The following ZNF732 variants were observed in gnomAD, a reference collection of about 807,000 sequenced individuals.
ZNF732 encodes the protein zinc finger protein 732, also known as zinc finger protein LOC654254.
ZNF732 carries 12 observed loss-of-function variants against 11.5 expected under a neutral mutation model. The observed-to-expected ratio is 1.05, with a 90% CI of 0.67 to 1.70. ZNF732 has a LOEUF of 1.70. Ranked by LOEUF, ZNF732 falls within the 40% of genes most tolerant of loss-of-function variation. ZNF732 has a pLI of 0.00. For missense variants in ZNF732, 702 were observed against 676.9 expected, an observed-to-expected ratio of 1.04 and a Z score of -0.41; for synonymous variants, 231 against 236.5, an observed-to-expected ratio of 0.98 and a Z score of 0.21.
At chr4:272,728 T>A in intron 3 of ZNF732, 98 bp from the exon 4 acceptor site, 1 of 1,174,562 alleles carries the variant, frequency 8.5e-7, no homozygotes, top group Non-Finnish European at 1.1e-6. Context: ...ATTAGTAAGA[T>A]GGCATAACAA....
chr4:290,636 T>C (rs1719826603), intron 3 of ZNF732, among the ~76,000 whole-genome samples: 1 of 152,146 alleles, frequency 6.6e-6, no homozygotes, highest in African/African-American at 2.4e-5. Context: ...GCCAAACCCA[T>C]TCATACACCT....
intron 3 of ZNF732, among the ~76,000 whole-genome samples, chr4:293,282 GTATA>G (rs139781518): frequency 7.1e-6 from 1 of 140,260 alleles, no homozygotes. Flanking sequence ...ATATGTATGT[GTATA>G]TATATATATA....
chr4:285,310 A>G (rs1159869417), intron 3 of ZNF732, among the ~76,000 whole-genome samples: 1 of 152,206 alleles, frequency 6.6e-6, no homozygotes, highest in East Asian at 1.9e-4. Context: ...TGACTTATGA[A>G]TGTGTGTGTG....
intron 1 of ZNF732, among the ~76,000 whole-genome samples, chr4:305,090 C>T (rs1720203637): frequency 6.6e-6 from 1 of 152,184 alleles, no homozygotes; most frequent in African/African-American, 2.4e-5. Flanking sequence ...AGGTGCGGGG[C>T]TGCGGGCGCA....
rs559629684 is a variant in ZNF732, at chr4:300,454, C to CAAAAA, written c.4-4304_4-4300dup. Among the ~76,000 whole-genome samples, 336 of 55,056 alleles carry CAAAAA rather than the reference C, an allele frequency of 6.1e-3. 4 individuals carry two copies. The highest frequency in any genetic ancestry group is 0.013 in the African/African-American group (225 of 17,072). 36.1% of individuals were successfully genotyped at this position (55,056 alleles called of 152,430 possible). A position where few individuals can be genotyped will look rare whatever the true frequency, so the allele number is the denominator to read the frequency against. ...TGGGAGACAGAATGAGACTCTGTCTCAAAAAAAAAAAAAAAAAAAAGAAAA... is the reference window on the plus strand; with the variant it reads ...TGGGAGACAGAATGAGACTCTGTCTCAAAAAAAAAAAAAAAAAAAAAAAAAGAAAA... On this transcript the variant is annotated intron_variant, in intron 1 of 3. Transcript: ENST00000419098.
chr4:287,412 G>A (rs773175328), intron 3 of ZNF732, among the ~76,000 whole-genome samples: 83 of 151,236 alleles, frequency 5.5e-4, no homozygotes, highest in South Asian at 8.4e-4. Flanking sequence ...ACGGGGTTTC[G>A]CCATGTTGGC....
At chr4:299,495 GTA>G (rs1167820871) in intron 1 of ZNF732, among the ~76,000 whole-genome samples, 1 of 49,696 alleles carries the variant, frequency 2.0e-5, no homozygotes, top group Non-Finnish European at 3.7e-5. Flanking sequence ...ACATATGTGT[GTA>G]TATATACACA....
rs548463865 is a variant in ZNF732, at chr4:287,949, T to A, written c.226+7489A>T. On this transcript the variant is annotated intron_variant, in intron 3 of 3. Coordinates refer to ENST00000419098, the MANE Select transcript of ZNF732 (RefSeq NM_001137608.3). ...AATTTCTCTACATTCTTTACAACAT[T>A]TTTTTTTTGCTTTATATTGGCCATC... Among the ~76,000 whole-genome samples the A allele has an allele frequency of 4.0e-5, 6 of 151,244 alleles. 1 individual carries two copies. The South Asian group carries it at 1.3e-3, about 32-fold the overall frequency.
intron 3 of ZNF732, among the ~76,000 whole-genome samples, chr4:289,071 A>G (rs1553841014): frequency 6.6e-6 from 1 of 152,236 alleles, no homozygotes. Context: ...AAAGCTTCCA[A>G]TCATGGCAGG....
chr4:289,283 C>T (rs565627809), intron 3 of ZNF732, among the ~76,000 whole-genome samples: 1 of 152,392 alleles, frequency 6.6e-6, no homozygotes, highest in East Asian at 1.9e-4. Context: ...TGCCACCCTG[C>T]ATGTGTGTGC....
chr4:303,504 T>C (rs1720159745), intron 1 of ZNF732, among the ~76,000 whole-genome samples: 1 of 152,124 alleles, frequency 6.6e-6, no homozygotes, highest in Non-Finnish European at 1.5e-5. Context: ...GTAATCCAGC[T>C]ACTCAGGAGG....
intron 1 of ZNF732, among the ~76,000 whole-genome samples, chr4:299,474 CACATAT>C (rs1720055906): frequency 4.5e-5 from 2 of 44,372 alleles, no homozygotes; most frequent in Non-Finnish European, 1.0e-4. Flanking sequence ...TATATATATA[CACATAT>C]ATACACATAT....
chr4:281,269 G>A (rs2108654591), intron 3 of ZNF732, among the ~76,000 whole-genome samples: 1 of 152,246 alleles, frequency 6.6e-6, no homozygotes, highest in African/African-American at 2.4e-5. Context: ...CCCAGAAAAA[G>A]ACCTGAACAC....
At position 299,356 on chromosome 4, in the gene ZNF732, T is replaced by C. The variant is rs556131367; in HGVS notation, c.4-3201A>G. On this transcript the variant is annotated intron_variant, in intron 1 of 3. Transcript: ENST00000419098. The stretch of plus-strand genomic sequence containing the variant: ...AAGCAGTTATGAGTATATATACACA[T>C]ATATACACATATGTGTATATATATA... Among the ~76,000 whole-genome samples the C allele has an allele frequency of 1.9e-4, 27 of 139,066 alleles. 2 individuals are homozygous for C. The highest frequency in any genetic ancestry group is 5.2e-4 in the African/African-American group (18 of 34,902). 91.2% of individuals were successfully genotyped at this position (139,066 alleles called of 152,430 possible). A position where few individuals can be genotyped will look rare whatever the true frequency, so the allele number is the denominator to read the frequency against.
At chr4:295,886 A>T in intron 2 of ZNF732, 143 bp downstream of exon 2, 2 of 1,064,776 alleles carry the variant, frequency 1.9e-6, no homozygotes, top group Non-Finnish European at 2.6e-6. Flanking sequence ...ATTCTTTTTT[A>T]CACCAGCAAA....
chr4:299,424 T>TATATATATATAC lies in ZNF732; in HGVS notation c.4-3270_4-3269insGTATATATATAT, dbSNP rs1560165159. On this transcript the variant is annotated intron_variant, in intron 1 of 3. Coordinates refer to ENST00000419098, the MANE Select transcript of ZNF732 (RefSeq NM_001137608.3). ...ATGTGTATATATATATACACATATA[T>TATATATATATAC]ACACATATGTGTATATATATATATA... 1.1e-4 allele frequency among the ~76,000 whole-genome samples: 11 copies of TATATATATATAC among 98,076 alleles called. 1 individual carries two copies. Among genetic ancestry groups the TATATATATATAC allele is most frequent in the Admixed American group, 3.8e-4 (3 of 7,920 alleles). The allele number at this position is 98,076 out of a possible 152,430, so 64.3% of individuals were successfully genotyped here.
chr4:300,217 C>G (rs761047059), intron 1 of ZNF732, among the ~76,000 whole-genome samples: 1 of 149,034 alleles, frequency 6.7e-6, no homozygotes, highest in African/African-American at 2.5e-5. Flanking sequence ...AATCCCAGCA[C>G]TTTGGGAGGC....
intron 1 of ZNF732, among the ~76,000 whole-genome samples, chr4:304,802 C>A (rs1249340304): frequency 6.6e-6 from 1 of 152,226 alleles, no homozygotes; most frequent in Non-Finnish European, 1.5e-5. Flanking sequence ...CAAGTTGGAG[C>A]GGGCGGGTGA....
At chr4:285,165 A>G (rs1277057123) in intron 3 of ZNF732, among the ~76,000 whole-genome samples, 1 of 152,200 alleles carries the variant, frequency 6.6e-6, no homozygotes, top group Non-Finnish European at 1.5e-5. Context: ...CTATGTTCAC[A>G]GGAAAGAGTG....
Sources: allele counts gnomAD v4.1 joint callset (sites outside exome capture counted in the v4.1 genomes callset), GRCh38; gene constraint gnomAD v4.1.1; transcripts MANE v1.5; gene names NCBI Gene and HGNC (gene_info 2026-07-23, HGNC 2026-07-21).